The following TCAIM variants were observed in gnomAD, a reference collection of about 807,000 sequenced individuals.
TCAIM encodes T cell activation inhibitor, mitochondrial.
A neutral mutation model predicts 58.6 loss-of-function variants in TCAIM; 36 were observed. That is an observed-to-expected ratio of 0.61 (90% confidence interval 0.47 to 0.81). TCAIM has a LOEUF of 0.81. TCAIM is among the 30% of genes least tolerant of loss of function. The pLI is 0.00. For missense variants in TCAIM, 466 were observed against 579.6 expected (o/e 0.80, Z 2.01); for synonymous variants, 172 against 193.6 (o/e 0.89, Z 0.93).
At chr3:44,401,055 G>A (rs1702014500) in intron 9 of TCAIM, 148 bp from the exon 10 acceptor site, 2 of 1,174,466 alleles carry the variant, frequency 1.7e-6, no homozygotes, top group Non-Finnish European at 2.3e-6. Context: ...TTTGGGGGCA[G>A]CAAAGCTTTA....
In TCAIM at chr3:44,383,475, T is replaced by G. The variant is rs138794836; in HGVS notation, c.573-9380T>G. ...GACAGATGGTGGATGATTCTACTTA[T>G]GTGAAGTACAAGGAGTAGTCAAATT... On this transcript the variant is annotated intron_variant, in intron 5 of 10. Transcript: ENST00000342649. Among the ~76,000 whole-genome samples, 1,423 of 152,232 alleles carry G rather than the reference T, an allele frequency of 9.3e-3. 18 individuals carry two copies. The highest frequency in any genetic ancestry group is 0.065 in the Middle Eastern group (19 of 294).
At chr3:44,407,391 G>C (rs990666641) in intron 10 of TCAIM, 51 bp from the exon 11 acceptor site, 8 of 1,286,156 alleles carry the variant, frequency 6.2e-6, no homozygotes, top group Non-Finnish European at 8.5e-6. Flanking sequence ...CTTTTGTTTG[G>C]TTATGACAAT....
chr3:44,370,815 C>T (rs1197952173), intron 5 of TCAIM, among the ~76,000 whole-genome samples: 1 of 149,536 alleles, frequency 6.7e-6, no homozygotes, highest in Non-Finnish European at 1.5e-5. Flanking sequence ...GATCATAGCT[C>T]ACTGCAGCCT....
chr3:44,396,508 T>G lies in TCAIM; in HGVS notation c.793+11T>G. ...TTAAAAAAGCAAAAGGTAAACATTT[T>G]CCATTTTCTTTTAAAAAATCACTTA... On this transcript the variant is annotated intron_variant, in intron 7 of 10. Coordinates refer to ENST00000342649, the MANE Select transcript of TCAIM (RefSeq NM_173826.4). 1 of 1,606,606 alleles carries G rather than the reference T, an allele frequency of 6.2e-7. No individual in the cohort carries two copies. Among genetic ancestry groups the G allele is most frequent in the East Asian group, 2.2e-5 (1 of 44,856 alleles).
At chr3:44,396,702 G>A (rs375825626) in intron 7 of TCAIM, 41 bp from the exon 8 acceptor site, 3 of 1,592,094 alleles carry the variant, frequency 1.9e-6, no homozygotes, top group South Asian at 1.1e-5. Context: ...AAAGAATGAA[G>A]CACCTCGACC....
At chr3:44,364,611 ATGTGCC>A (rs1701344633) in intron 4 of TCAIM, among the ~76,000 whole-genome samples, 1 of 151,976 alleles carries the variant, frequency 6.6e-6, no homozygotes, top group African/African-American at 2.4e-5. Flanking sequence ...GCGTGGTGGC[ATGTGCC>A]TGTAGTCCCC....
rs1700788064 is a variant in TCAIM at position 44,338,825 on chromosome 3, T to A, written c.-54T>A. On this transcript the variant is annotated 5_prime_UTR_variant, in exon 1 of 11. Coordinates refer to ENST00000342649, the MANE Select transcript of TCAIM (RefSeq NM_173826.4). Reference sequence around the variant, plus strand: ...GGACAAAGCCCTCGCGTCGGACCCTTGCCAGAACTGTAAGGAGCAAGAGGG... The same window carrying A: ...GGACAAAGCCCTCGCGTCGGACCCTAGCCAGAACTGTAAGGAGCAAGAGGG... 1 of 152,268 alleles carries A rather than the reference T, an allele frequency of 6.6e-6. No individual in the cohort carries two copies. Among genetic ancestry groups the A allele is most frequent in the African/African-American group, 2.4e-5 (1 of 41,442 alleles). 9.4% of individuals were successfully genotyped at this position (152,268 alleles called of 1,614,324 possible).
At chr3:44,384,137 T>G (rs1212180484) in intron 5 of TCAIM, among the ~76,000 whole-genome samples, 1 of 152,194 alleles carries the variant, frequency 6.6e-6, no homozygotes, top group Admixed American at 6.5e-5. Flanking sequence ...CTTCTCACCC[T>G]TGAAAACAAA....
At position 44,361,354 on chromosome 3, in the gene TCAIM, T is replaced by A; in HGVS notation, c.166-11T>A. The A allele has an allele frequency of 6.3e-7, 1 of 1,588,934 alleles. No individual in the cohort carries two copies. Among genetic ancestry groups the A allele is most frequent in the Non-Finnish European group, 8.5e-7 (1 of 1,170,976 alleles). On this transcript the variant is annotated splice_polypyrimidine_tract_variant and intron_variant, in intron 3 of 10. Transcript: ENST00000342649. ...ATTTTGTATGTAAATGCCCTTAATG[T>A]TTTTTTCCAGGAAATCAATGAAAAT... is the stretch of plus-strand genomic sequence containing the variant.
chr3:44,387,657 G>C (rs990093359), intron 5 of TCAIM, among the ~76,000 whole-genome samples: 1 of 152,258 alleles, frequency 6.6e-6, no homozygotes, highest in African/African-American at 2.4e-5. Flanking sequence ...TTGCCACTCT[G>C]TGCCTGGCTG....
chr3:44,346,775 A>G (rs1700979985), intron 1 of TCAIM, among the ~76,000 whole-genome samples: 1 of 152,180 alleles, frequency 6.6e-6, no homozygotes, highest in Non-Finnish European at 1.5e-5. Flanking sequence ...AGTAAGGTCA[A>G]GTTGTTTGGA....
At chr3:44,349,742 C>T (rs1457888628) in intron 1 of TCAIM, among the ~76,000 whole-genome samples, 1 of 149,438 alleles carries the variant, frequency 6.7e-6, no homozygotes, top group Non-Finnish European at 1.5e-5. Context: ...AAACACGTCT[C>T]CTCTGTCTCT....
chr3:44,392,798 A>G (rs1328344327), intron 5 of TCAIM, 57 bp from the exon 6 acceptor site: 2 of 1,498,924 alleles, frequency 1.3e-6, no homozygotes, highest in East Asian at 4.7e-5. Context: ...GTCTTTTAAT[A>G]GTAAAAATAT....
chr3:44,369,059 T>C (rs1701423633), intron 5 of TCAIM, among the ~76,000 whole-genome samples: 1 of 152,170 alleles, frequency 6.6e-6, no homozygotes, highest in Admixed American at 6.5e-5. Flanking sequence ...AGAGTCATGG[T>C]GGCATAGAGG....
At chr3:44,351,787 G>A (rs537920722) in intron 1 of TCAIM, among the ~76,000 whole-genome samples, 26 of 152,090 alleles carry the variant, frequency 1.7e-4, no homozygotes, top group African/African-American at 3.6e-4. Flanking sequence ...GAGCCACCGC[G>A]CCCAACCCAC....
chr3:44,365,617 T>C (rs1385451751), intron 4 of TCAIM, among the ~76,000 whole-genome samples: 1 of 152,064 alleles, frequency 6.6e-6, no homozygotes, highest in Non-Finnish European at 1.5e-5. Flanking sequence ...CATGAACCAC[T>C]GCCCCGGCCT....
intron 5 of TCAIM, among the ~76,000 whole-genome samples, chr3:44,372,846 G>C (rs1701502974): frequency 6.6e-6 from 1 of 151,984 alleles, no homozygotes; most frequent in Non-Finnish European, 1.5e-5. Flanking sequence ...CACCCGTCTT[G>C]GCCTCCCAAA....
chr3:44,367,162 G>C (rs1701393357), intron 4 of TCAIM, among the ~76,000 whole-genome samples: 1 of 152,154 alleles, frequency 6.6e-6, no homozygotes, highest in African/African-American at 2.4e-5. Context: ...AAATCCCCTT[G>C]GTGGGCTGGG....
At chr3:44,339,000 G>A (rs1700796137) in intron 1 of TCAIM, among the ~76,000 whole-genome samples, 166 bp downstream of exon 1, 1 of 152,168 alleles carries the variant, frequency 6.6e-6, no homozygotes, top group Non-Finnish European at 1.5e-5. Context: ...ATTTTAACTC[G>A]CTGTGAAATG....
Sources: allele counts gnomAD v4.1 joint callset (sites outside exome capture counted in the v4.1 genomes callset), GRCh38; gene constraint gnomAD v4.1.1; transcripts MANE v1.5; gene names NCBI Gene and HGNC (gene_info 2026-07-23, HGNC 2026-07-21).